The following HERC3 variants were observed in gnomAD, a reference collection of about 807,000 sequenced individuals.
HERC3 encodes probable E3 ubiquitin-protein ligase HERC3.
A neutral mutation model predicts 129.9 loss-of-function variants in HERC3; 58 were observed. The ratio of observed to expected loss-of-function variants is 0.45; its 90% CI spans 0.36 to 0.56. The LOEUF is 0.56. Among genes scored for constraint, HERC3 ranks in the 20% least tolerant of loss-of-function variants. The pLI is 0.00. For missense variants in HERC3, 835 were observed against 1,244.2 expected (o/e 0.67, Z 4.95); for synonymous variants, 430 against 451.0 (o/e 0.95, Z 0.59).
chr4:88,677,918 C>T (rs759029150), intron 18 of HERC3, 46 bp from the exon 19 acceptor site: 1 of 1,575,944 alleles, frequency 6.3e-7, no homozygotes, highest in South Asian at 1.1e-5. Context: ...TCTCCCAACT[C>T]ACACGTGTGC....
intron 2 of HERC3, among the ~76,000 whole-genome samples, chr4:88,598,315 T>TTCACTCTCTTGCTTGCTC (rs1201741629): frequency 2.4e-4 from 37 of 152,140 alleles, no homozygotes; most frequent in Non-Finnish European, 4.7e-4. Context: ...AAGAGATTTA[T>TTCACTCTCTTGCTTGCTC]CTCCCCACCG....
chr4:88,545,168 T>C, the HERC3 span, among the ~76,000 whole-genome samples: 1 of 152,330 alleles, frequency 6.6e-6, no homozygotes, highest in South Asian at 2.1e-4. Flanking sequence ...CCAGTCCTAC[T>C]GGCTTGGTAT....
At chr4:88,648,068 A>G (rs1728890725) in intron 3 of HERC3, among the ~76,000 whole-genome samples, 1 of 152,202 alleles carries the variant, frequency 6.6e-6, no homozygotes, top group Non-Finnish European at 1.5e-5. Flanking sequence ...GATTGCATGT[A>G]CCATGATTGC....
chr4:88,629,567 C>G (rs1424397024), intron 3 of HERC3, among the ~76,000 whole-genome samples: 1 of 152,114 alleles, frequency 6.6e-6, no homozygotes, highest in Non-Finnish European at 1.5e-5. Flanking sequence ...AGAAATACAA[C>G]TGCTAGATCA....
At chr4:88,570,394 C>A in the HERC3 span, among the ~76,000 whole-genome samples, 3 of 152,132 alleles carry the variant, frequency 2.0e-5, no homozygotes, top group Non-Finnish European at 4.4e-5. Flanking sequence ...CAGAGGTTTA[C>A]TATCTTATAC....
intron 9 of HERC3, chr4:88,656,876 A>G (rs756229376): frequency 2.6e-4 from 40 of 152,346 alleles, no homozygotes; most frequent in Non-Finnish European, 4.0e-4. Flanking sequence ...GCCCAAGATC[A>G]CATAGATTCT....
intron 3 of HERC3, among the ~76,000 whole-genome samples, chr4:88,621,335 G>A (rs978745963): frequency 2.0e-5 from 3 of 152,176 alleles, no homozygotes; most frequent in Non-Finnish European, 2.9e-5. Context: ...TCAAACTCCT[G>A]ACCTCAGGTG....
chr4:88,627,904 CAAAAAAAAA>C (rs60358778), intron 3 of HERC3, among the ~76,000 whole-genome samples: 7,283 of 81,170 alleles, frequency 0.09, 503 homozygotes, highest in East Asian at 0.34. Context: ...AACTCCGTCT[CAAAAAAAAA>C]AAAAAAAAAA....
intron 23 of HERC3, chr4:88,697,380 G>A: frequency 6.2e-7 from 1 of 1,613,694 alleles, no homozygotes; most frequent in Non-Finnish European, 8.5e-7. Flanking sequence ...CCTCCATCTC[G>A]CCGGTGAGCT....
the HERC3 span, among the ~76,000 whole-genome samples, chr4:88,586,784 C>A: frequency 6.6e-6 from 1 of 152,280 alleles, no homozygotes; most frequent in East Asian, 1.9e-4. Context: ...GTATTTAACA[C>A]ATTTCATATA....
At chr4:88,659,376 A>C (rs745955528) in intron 10 of HERC3, among the ~76,000 whole-genome samples, 51 of 152,180 alleles carry the variant, frequency 3.4e-4, no homozygotes, top group Non-Finnish European at 6.5e-4. Context: ...TTTCTCTATT[A>C]GTTTGATACT....
At chr4:88,534,754 G>T in the HERC3 span, among the ~76,000 whole-genome samples, 1 of 152,102 alleles carries the variant, frequency 6.6e-6, no homozygotes, top group African/African-American at 2.4e-5. Flanking sequence ...TTATTATCCA[G>T]GTTTAAGCTA....
At chr4:88,561,303 T>C in the HERC3 span, among the ~76,000 whole-genome samples, 1 of 152,312 alleles carries the variant, frequency 6.6e-6, no homozygotes, top group East Asian at 1.9e-4. Context: ...CTGTGCATAA[T>C]AGGAAAATTA....
intron 3 of HERC3, among the ~76,000 whole-genome samples, chr4:88,641,957 C>T (rs547590320): frequency 1.3e-5 from 2 of 151,606 alleles, no homozygotes; most frequent in South Asian, 4.2e-4. Context: ...AGTGAAACTC[C>T]ATCTCTACTA....
In HERC3 at chr4:88,708,006, T is replaced by C. The variant is rs889754760; in HGVS notation, c.*1046T>C. On this transcript the variant is annotated 3_prime_UTR_variant, in exon 26 of 26. Coordinates refer to ENST00000402738, the MANE Select transcript of HERC3 (RefSeq NM_014606.3). ...CTCCCTTCCTCTCCTCTCCTTCTAG[T>C]GGATGCATGCAGCCTTTTTTTCAAT... 6.6e-5 allele frequency: 10 copies of C among 152,568 alleles called. 1 individual carries two copies. Among genetic ancestry groups the C allele is most frequent in the Non-Finnish European group, 8.8e-5 (6 of 68,014 alleles). 9.5% of individuals were successfully genotyped at this position (152,568 alleles called of 1,614,324 possible).
At chr4:88,624,535 G>T (rs982625170) in intron 3 of HERC3, among the ~76,000 whole-genome samples, 1 of 152,138 alleles carries the variant, frequency 6.6e-6, no homozygotes, top group African/African-American at 2.4e-5. Context: ...TTTGCAGAGT[G>T]TATGTTCAAA....
At position 88,686,795 on chromosome 4, in the gene HERC3, A is replaced by G. The variant is rs183683712; in HGVS notation, c.2567A>G (p.Asn856Ser). The change falls in exon 22 of 26, where the codon AAC becomes AGC. Residue 856 changes from asparagine to serine, a missense_variant. Transcript: ENST00000402738. Reference protein sequence around the residue: ...GEDVEETFCLNFTICRESYGV... With the variant: ...GEDVEETFCLSFTICRESYGV... ...GATGTGGAGGAGACTTTCTGCCTCA[A>G]CTTCACGGTAAGAATTTCCACAGTT... 248 of 1,608,900 alleles carry G rather than the reference A, an allele frequency of 1.5e-4. No individual in the cohort carries two copies. Among genetic ancestry groups the G allele is most frequent in the Non-Finnish European group, 1.9e-4 (222 of 1,175,552 alleles).
At chr4:88,682,085 A>G (rs1024233567) in intron 21 of HERC3, among the ~76,000 whole-genome samples, 1 of 152,168 alleles carries the variant, frequency 6.6e-6, no homozygotes, top group Non-Finnish European at 1.5e-5. Flanking sequence ...GCCACATTTT[A>G]TTTATCCATT....
chr4:88,703,338 A>G (rs1484933181), intron 23 of HERC3, among the ~76,000 whole-genome samples: 2 of 152,090 alleles, frequency 1.3e-5, no homozygotes, highest in Non-Finnish European at 1.5e-5. Context: ...CTCTCTTGCT[A>G]TAGCAGCTCT....
Sources: gnomAD v4.1 joint callset for allele counts (sites outside exome capture counted in the v4.1 genomes callset) on GRCh38, gnomAD v4.1.1 for gene constraint, MANE v1.5 for transcripts, NCBI Gene and HGNC (gene_info 2026-07-23, HGNC 2026-07-21) for gene names.